Variants in CSNK2A2IP observed in about 807,000 individuals in gnomAD.
The protein encoded by CSNK2A2IP is casein kinase II subunit alpha'-interacting protein.
At chr3:88,416,475 T>C in the CSNK2A2IP span, among the ~76,000 whole-genome samples, 20 of 152,130 alleles carry the variant, frequency 1.3e-4, no homozygotes. Context: ...CCCAACAGCA[T>C]TTTGAACCTT....
the CSNK2A2IP span, among the ~76,000 whole-genome samples, chr3:88,371,239 C>T: frequency 6.6e-6 from 1 of 151,602 alleles, no homozygotes; most frequent in Non-Finnish European, 1.5e-5. Flanking sequence ...GTCAGAATGT[C>T]AAATTAACAC....
the CSNK2A2IP span, among the ~76,000 whole-genome samples, chr3:88,358,956 C>T: frequency 6.7e-6 from 1 of 149,524 alleles, no homozygotes; most frequent in Admixed American, 6.6e-5. Context: ...AGGCTATCGG[C>T]TCCTGGATTT....
chr3:88,395,645 G>A, the CSNK2A2IP span, among the ~76,000 whole-genome samples: 26 of 152,212 alleles, frequency 1.7e-4, no homozygotes, highest in Non-Finnish European at 2.9e-4. Context: ...ACAAAGAAAA[G>A]CTTGCTGGAA....
At chr3:88,430,785 A>T in the CSNK2A2IP span, among the ~76,000 whole-genome samples, 1 of 152,122 alleles carries the variant, frequency 6.6e-6, no homozygotes, top group Non-Finnish European at 1.5e-5. Flanking sequence ...GGAAAAAAAA[A>T]CCTTACACAT....
chr3:88,372,005 ATAGT>A, the CSNK2A2IP span, among the ~76,000 whole-genome samples: 1 of 151,736 alleles, frequency 6.6e-6, no homozygotes, highest in African/African-American at 2.4e-5. Context: ...AAAAGTTGAG[ATAGT>A]TTGTTGCACC....
the CSNK2A2IP span, among the ~76,000 whole-genome samples, chr3:88,444,899 T>TAGAAA: frequency 6.6e-6 from 1 of 152,242 alleles, no homozygotes; most frequent in African/African-American, 2.4e-5. Context: ...AGCTGCTTTC[T>TAGAAA]AGAGACCTGT....
the CSNK2A2IP span, among the ~76,000 whole-genome samples, chr3:88,396,317 G>C: frequency 4.6e-5 from 7 of 151,968 alleles, no homozygotes; most frequent in East Asian, 9.7e-4. Context: ...GTGTTAGCCA[G>C]GATGGTCTCG....
chr3:88,391,362 A>G, the CSNK2A2IP span, among the ~76,000 whole-genome samples: 2 of 152,190 alleles, frequency 1.3e-5, no homozygotes, highest in Non-Finnish European at 2.9e-5. Context: ...GTGCTACACA[A>G]CGTGCTGGGT....
the CSNK2A2IP span, among the ~76,000 whole-genome samples, chr3:88,406,888 C>T: frequency 1.3e-5 from 2 of 152,188 alleles, no homozygotes; most frequent in Non-Finnish European, 2.9e-5. Flanking sequence ...GGAATTTGCC[C>T]TGTGGATATC....
chr3:88,432,708 TAAAA>T, the CSNK2A2IP span, among the ~76,000 whole-genome samples: 34 of 151,160 alleles, frequency 2.2e-4, no homozygotes, highest in Non-Finnish European at 4.3e-4. Flanking sequence ...ACATTTAAAA[TAAAA>T]AGAAACTCTT....
At chr3:88,354,302 A>G in the CSNK2A2IP span, among the ~76,000 whole-genome samples, 1 of 152,190 alleles carries the variant, frequency 6.6e-6, no homozygotes, top group Non-Finnish European at 1.5e-5. Flanking sequence ...TAAGAGTGCT[A>G]TTATCTATCT....
the CSNK2A2IP span, among the ~76,000 whole-genome samples, chr3:88,402,786 C>G: frequency 6.6e-6 from 1 of 151,862 alleles, no homozygotes; most frequent in Non-Finnish European, 1.5e-5. Flanking sequence ...GTGATTATAT[C>G]CAGAATGTAA....
chr3:88,365,033 G>A, the CSNK2A2IP span, among the ~76,000 whole-genome samples: 1 of 152,240 alleles, frequency 6.6e-6, no homozygotes, highest in African/African-American at 2.4e-5. Context: ...AGGAAATTGA[G>A]GCCTTGCCCA....
At chr3:88,413,822 C>T in the CSNK2A2IP span, among the ~76,000 whole-genome samples, 1 of 151,710 alleles carries the variant, frequency 6.6e-6, no homozygotes, top group Non-Finnish European at 1.5e-5. Context: ...TGCAAAACCC[C>T]AACATATAAG....
the CSNK2A2IP span, among the ~76,000 whole-genome samples, chr3:88,425,853 T>C: frequency 6.6e-6 from 1 of 152,170 alleles, no homozygotes; most frequent in Non-Finnish European, 1.5e-5. Flanking sequence ...TTACATTCTT[T>C]GTATTATGCT....
the CSNK2A2IP span, among the ~76,000 whole-genome samples, chr3:88,423,137 T>C: frequency 2.0e-5 from 3 of 152,206 alleles, no homozygotes; most frequent in African/African-American, 4.8e-5. Flanking sequence ...AGATTTCTAT[T>C]CTTCTGACAT....
At chr3:88,366,010 A>G in the CSNK2A2IP span, among the ~76,000 whole-genome samples, 1 of 152,136 alleles carries the variant, frequency 6.6e-6, no homozygotes, top group African/African-American at 2.4e-5. Context: ...AGACTAAGAA[A>G]GGAGATCATC....
At chr3:88,363,898 G>A in the CSNK2A2IP span, among the ~76,000 whole-genome samples, 194 of 152,252 alleles carry the variant, frequency 1.3e-3, 2 homozygotes, top group African/African-American at 4.3e-3. Context: ...TAGTGCTAGG[G>A]CATTGTTCCT....
At chr3:88,449,792 T>A in the CSNK2A2IP span, among the ~76,000 whole-genome samples, 1 of 135,314 alleles carries the variant, frequency 7.4e-6, no homozygotes, top group Non-Finnish European at 1.6e-5. Context: ...AAAAGGTATA[T>A]TTGGAAAAAA....
Sources: allele counts gnomAD v4.1 joint callset (sites outside exome capture counted in the v4.1 genomes callset), GRCh38; gene constraint gnomAD v4.1.1; transcripts MANE v1.5; gene names NCBI Gene and HGNC (gene_info 2026-07-23, HGNC 2026-07-21).